Variants in SCN10A observed in about 807,000 individuals in gnomAD.
SCN10A encodes sodium channel protein type 10 subunit alpha.
SCN10A carries 162 observed loss-of-function variants against 170.7 expected under a neutral mutation model. The observed-to-expected ratio is 0.95, with a 90% confidence interval of 0.84 to 1.08. SCN10A has a LOEUF of 1.08. Ranked by LOEUF, SCN10A falls within the 50% of genes least tolerant of loss-of-function variation. The pLI is 0.00. For synonymous variants in SCN10A, 985 were observed against 904.6 expected, an observed-to-expected ratio of 1.09 and a Z score of -1.59; for missense variants, 2,527 against 2,436.9, an observed-to-expected ratio of 1.04 and a Z score of -0.78.
chr3:38,707,917 C>T (rs1322639393), intron 25 of SCN10A, among the ~76,000 whole-genome samples: 1 of 152,140 alleles, frequency 6.6e-6, no homozygotes, highest in East Asian at 1.9e-4. Flanking sequence ...TGAGGCCCTG[C>T]CAGTCACACT....
intron 21 of SCN10A, among the ~76,000 whole-genome samples, chr3:38,714,363 T>C (rs1306751232): frequency 6.6e-6 from 1 of 152,230 alleles, no homozygotes; most frequent in East Asian, 1.9e-4. Flanking sequence ...TTCCAGTGTA[T>C]TAAATCAACT....
intron 22 of SCN10A, among the ~76,000 whole-genome samples, chr3:38,713,692 GT>G (rs1288144275): frequency 6.6e-6 from 1 of 152,064 alleles, no homozygotes; most frequent in Non-Finnish European, 1.5e-5. Flanking sequence ...GACCAGAGAA[GT>G]TTTTTGTTTG....
At position 38,697,586 on chromosome 3, in the gene SCN10A, A is replaced by G. The variant is rs1227224390; in HGVS notation, c.5634T>C (p.Cys1878=). The change falls in exon 28 of 28, where the codon TGT becomes TGC. Residue 1878 remains cysteine, a synonymous_variant. Coordinates refer to ENST00000449082, the MANE Select transcript of SCN10A (RefSeq NM_006514.4). ...CAGCCTCCTCCTCAGCTCTGGGCACACATGGGGTGTTAGAGAGTGCCATGG... is the reference window on the plus strand; with the variant it reads ...CAGCCTCCTCCTCAGCTCTGGGCACGCATGGGGTGTTAGAGAGTGCCATGG... ...HRSMALSNTP[C]VPRAEEEAAS... is the part of the protein sequence containing the mutation. 1 of 1,614,078 alleles carries G rather than the reference A, an allele frequency of 6.2e-7. No homozygotes were observed. Among genetic ancestry groups the G allele is most frequent in the Non-Finnish European group, 8.5e-7 (1 of 1,180,034 alleles).
chr3:38,698,125 T>C lies in SCN10A; in HGVS notation c.5095A>G (p.Ile1699Val). The C allele has an allele frequency of 6.2e-7, 1 of 1,614,132 alleles. No individual in the cohort carries two copies. The highest frequency in any genetic ancestry group is 8.5e-7 in the Non-Finnish European group (1 of 1,180,018). The change falls in exon 28 of 28, where the codon ATC (isoleucine) becomes GTC (valine). Residue 1699 changes from isoleucine to valine, a missense_variant. Ile to Val is a conservative substitution (Grantham distance 29). Coordinates refer to ENST00000449082, the MANE Select transcript of SCN10A (RefSeq NM_006514.4). ...ATGATGTAGGTGGTGAAGAAGATGATGCCTACGGCTGGGCTCCCACAGTCC... is the reference window on the plus strand; with the variant it reads ...ATGATGTAGGTGGTGAAGAAGATGACGCCTACGGCTGGGCTCCCACAGTCC... Reference protein sequence around the residue: ...RGDCGSPAVGIIFFTTYIIIS... With the variant: ...RGDCGSPAVGVIFFTTYIIIS...
At chr3:38,766,045 T>C (rs1001764616) in intron 5 of SCN10A, among the ~76,000 whole-genome samples, 9 of 151,950 alleles carry the variant, frequency 5.9e-5, no homozygotes, top group African/African-American at 1.9e-4. Context: ...TGGTTTCTGG[T>C]GGTGTACAGT....
chr3:38,796,456 T>C (rs2064342231), intron 1 of SCN10A, among the ~76,000 whole-genome samples: 1 of 152,166 alleles, frequency 6.6e-6, no homozygotes. Flanking sequence ...GGCCAAATGA[T>C]ATTTCTAAAA....
At chr3:38,701,697 T>C in intron 27 of SCN10A, 142 bp downstream of exon 27, 1 of 760,168 alleles carries the variant, frequency 1.3e-6, no homozygotes. Context: ...CTTGCTACTC[T>C]TGGAAAGCTG....
chr3:38,776,168 T>G (rs1044331407), intron 4 of SCN10A, among the ~76,000 whole-genome samples: 3 of 152,108 alleles, frequency 2.0e-5, no homozygotes, highest in Non-Finnish European at 2.9e-5. Context: ...TTATCATTAT[T>G]CATTGTCATG....
intron 15 of SCN10A, among the ~76,000 whole-genome samples, chr3:38,737,516 T>G (rs950371736): frequency 6.6e-6 from 1 of 152,192 alleles, no homozygotes; most frequent in African/African-American, 2.4e-5. Flanking sequence ...TTCTCCTCCC[T>G]GGGATGGTGA....
chr3:38,742,543 T>G lies in SCN10A; in HGVS notation c.1868-14A>C. The G allele has an allele frequency of 6.2e-7, 1 of 1,604,534 alleles. No individual in the cohort carries two copies. Among genetic ancestry groups the G allele is most frequent in the Middle Eastern group, 1.7e-4 (1 of 6,036 alleles). On this transcript the variant is annotated splice_polypyrimidine_tract_variant and intron_variant, in intron 13 of 27. Coordinates refer to ENST00000449082, the MANE Select transcript of SCN10A (RefSeq NM_006514.4). ...ACTCCTCGAGTTCTGCATTATAGTGTGGTCAATGACAGCTGTCAGCCATGT... is the reference window on the plus strand; with the variant it reads ...ACTCCTCGAGTTCTGCATTATAGTGGGGTCAATGACAGCTGTCAGCCATGT...
chr3:38,736,750 G>T (rs529449733), intron 15 of SCN10A, among the ~76,000 whole-genome samples: 1 of 152,074 alleles, frequency 6.6e-6, no homozygotes, highest in South Asian at 2.1e-4. Flanking sequence ...TAGTTGGTGG[G>T]TGTGGTTAGG....
At chr3:38,736,818 C>T (rs2063565674) in intron 15 of SCN10A, among the ~76,000 whole-genome samples, 1 of 149,942 alleles carries the variant, frequency 6.7e-6, no homozygotes, top group African/African-American at 2.5e-5. Flanking sequence ...TAGCATTCCC[C>T]TGCAGAATCC....
intron 1 of SCN10A, among the ~76,000 whole-genome samples, chr3:38,803,053 T>C (rs2064383145): frequency 6.6e-6 from 1 of 152,184 alleles, no homozygotes; most frequent in Non-Finnish European, 1.5e-5. Context: ...GAAAAAATGC[T>C]CATCATCACT....
chr3:38,778,774 T>C (rs1351756468), intron 4 of SCN10A, among the ~76,000 whole-genome samples: 1 of 152,080 alleles, frequency 6.6e-6, no homozygotes, highest in Non-Finnish European at 1.5e-5. Flanking sequence ...AAACAACTAA[T>C]GGCTATTATC....
chr3:38,713,987 G>A lies in SCN10A; in HGVS notation c.3775C>T (p.Arg1259Trp), dbSNP rs765230695. Residue 1259 changes from arginine (R) to tryptophan (W), a missense_variant, in exon 22 of 28, where the codon CGG becomes TGG. Physicochemically the swap from Arg to Trp is moderately radical, Grantham distance 101. Transcript: ENST00000449082. Reference sequence around the variant, plus strand: ...ATGCCTTCAAATCGAGAAAGAGCCCGCAGTGGCCGCAGAGCGCGAAGGGTT... The same window carrying A: ...ATGCCTTCAAATCGAGAAAGAGCCCACAGTGGCCGCAGAGCGCGAAGGGTT... ...LRTLRALRPLRALSRFEGMRV... is the reference protein window; with the variant it reads ...LRTLRALRPLWALSRFEGMRV... 1.8e-5 allele frequency: 29 copies of A among 1,613,782 alleles called. 1 individual carries two copies. Among genetic ancestry groups the A allele is most frequent in the Middle Eastern group, 3.4e-4 (2 of 5,822 alleles).
chr3:38,713,828 A>G (rs2063301616), intron 22 of SCN10A, 130 bp downstream of exon 22: 1 of 1,048,762 alleles, frequency 9.5e-7, no homozygotes, highest in Non-Finnish European at 1.4e-6. Context: ...GGGTTTCGGC[A>G]TGTTGGCCAG....
At chr3:38,793,700 T>C in intron 2 of SCN10A, 41 bp downstream of exon 2, 1 of 1,591,174 alleles carries the variant, frequency 6.3e-7, no homozygotes, top group Non-Finnish European at 8.6e-7. Context: ...AGACTTCCTC[T>C]CCAAGAGCTG....
At chr3:38,716,106 C>T (rs1328607062) in intron 21 of SCN10A, among the ~76,000 whole-genome samples, 3 of 152,138 alleles carry the variant, frequency 2.0e-5, no homozygotes, top group South Asian at 4.2e-4. Flanking sequence ...TATTTTTGCT[C>T]GCTGAGTAAT....
At chr3:38,808,846 G>A (rs1307281752) in intron 1 of SCN10A, among the ~76,000 whole-genome samples, 2 of 152,206 alleles carry the variant, frequency 1.3e-5, no homozygotes, top group Non-Finnish European at 2.9e-5. Context: ...TATTAAGAAG[G>A]AGTCATTGGA....
Sources: allele counts gnomAD v4.1 joint callset (sites outside exome capture counted in the v4.1 genomes callset), GRCh38; gene constraint gnomAD v4.1.1; transcripts MANE v1.5; gene names NCBI Gene and HGNC (gene_info 2026-07-23, HGNC 2026-07-21).